The following NLGN1 variants were observed in gnomAD, a reference collection of about 807,000 sequenced individuals.
NLGN1 encodes the protein neuroligin-1.
In NLGN1, 12 loss-of-function variants were observed where a neutral mutation model predicts 65.5. The ratio of observed to expected loss-of-function variants is 0.18; its 90% CI spans 0.12 to 0.30. The LOEUF (loss-of-function observed/expected upper bound fraction) is 0.30, where lower values mean the gene tolerates loss of function less well. NLGN1 is among the 10% of genes least tolerant of loss of function. The pLI is 1.00. For synonymous variants in NLGN1, 350 were observed against 359.5 expected (o/e 0.97, Z 0.30); for missense variants, 750 against 1,007.1 (o/e 0.74, Z 3.46).
intron 2 of NLGN1, among the ~76,000 whole-genome samples, chr3:173,452,144 C>T (rs374389120): frequency 1.1e-4 from 17 of 152,230 alleles, no homozygotes; most frequent in South Asian, 2.1e-4. Context: ...CCATCTTCTG[C>T]GTCACTCGCG....
chr3:173,553,708 A>G (rs558749843), intron 2 of NLGN1, among the ~76,000 whole-genome samples: 3 of 152,368 alleles, frequency 2.0e-5, no homozygotes, highest in South Asian at 2.1e-4. Flanking sequence ...TTGAGTGAAC[A>G]TAAGTAGTGG....
intron 2 of NLGN1, among the ~76,000 whole-genome samples, chr3:173,501,005 T>C (rs1731015831): frequency 6.6e-6 from 1 of 152,212 alleles, no homozygotes; most frequent in Non-Finnish European, 1.5e-5. Flanking sequence ...GTTTTTACAG[T>C]AATCAAATGA....
chr3:174,272,665 G>GGATAGATAGATAGATA lies in NLGN1; in HGVS notation c.647-2621_647-2606dup, dbSNP rs779724767. On this transcript the variant is annotated intron_variant, in intron 4 of 6. Coordinates refer to ENST00000457714, the Ensembl canonical transcript of NLGN1. The stretch of plus-strand genomic sequence containing the variant: ...TGATGATATGGATGGATGGATGGAT[G>GGATAGATAGATAGATA]GATAGATAGATAGATAGATAGATAG... 7.2e-4 allele frequency among the ~76,000 whole-genome samples: 84 copies of GGATAGATAGATAGATA among 116,650 alleles called. 1 individual carries two copies. Among genetic ancestry groups the GGATAGATAGATAGATA allele is most frequent in the South Asian group, 1.4e-3 (5 of 3,490 alleles). The allele number at this position is 116,650 out of a possible 152,430, so 76.5% of individuals were successfully genotyped here. A position where few individuals can be genotyped will look rare whatever the true frequency, so the allele number is the denominator to read the frequency against.
At chr3:173,612,177 T>C (rs1333355654) in intron 3 of NLGN1, among the ~76,000 whole-genome samples, 1 of 152,114 alleles carries the variant, frequency 6.6e-6, no homozygotes, top group Non-Finnish European at 1.5e-5. Context: ...AGACGTTTGC[T>C]AGTAACAATT....
chr3:173,511,623 A>T (rs966689417), intron 2 of NLGN1, among the ~76,000 whole-genome samples: 3 of 151,692 alleles, frequency 2.0e-5, no homozygotes, highest in Admixed American at 2.0e-4. Context: ...TTTTTTGGTT[A>T]TTCTACAATT....
intron 1 of NLGN1, among the ~76,000 whole-genome samples, chr3:173,414,549 G>A (rs974919785): frequency 3.4e-5 from 5 of 148,414 alleles, no homozygotes; most frequent in Non-Finnish European, 7.4e-5. Context: ...TAAGAGACTA[G>A]AACTACATTA....
chr3:174,270,857 CCA>C (rs1480087499), intron 4 of NLGN1, among the ~76,000 whole-genome samples: 1 of 151,750 alleles, frequency 6.6e-6, no homozygotes, highest in Non-Finnish European at 1.5e-5. Context: ...GGTTTTATTT[CCA>C]CAGTTTTAAA....
At chr3:173,983,406 C>T (rs999916534) in intron 4 of NLGN1, among the ~76,000 whole-genome samples, 7 of 152,072 alleles carry the variant, frequency 4.6e-5, no homozygotes, top group Admixed American at 1.3e-4. Context: ...TGCTTCTGGT[C>T]GAGTCCAGCA....
intron 4 of NLGN1, among the ~76,000 whole-genome samples, chr3:174,116,700 C>T (rs1003695342): frequency 3.9e-5 from 6 of 152,118 alleles, no homozygotes; most frequent in Non-Finnish European, 8.8e-5. Flanking sequence ...TACATACTCA[C>T]ATACCACAAA....
chr3:173,412,598 A>G (rs1712817009), intron 1 of NLGN1, among the ~76,000 whole-genome samples: 3 of 152,152 alleles, frequency 2.0e-5, no homozygotes, highest in African/African-American at 7.2e-5. Context: ...TCAGGAAAAT[A>G]TATTGATTCC....
At chr3:173,955,952 A>G (rs1320978636) in intron 4 of NLGN1, among the ~76,000 whole-genome samples, 1 of 152,108 alleles carries the variant, frequency 6.6e-6, no homozygotes, top group Non-Finnish European at 1.5e-5. Context: ...GTTTAACGTG[A>G]AAAAATAAAT....
At chr3:173,659,183 T>C (rs1760538022) in intron 3 of NLGN1, among the ~76,000 whole-genome samples, 6 of 151,932 alleles carry the variant, frequency 3.9e-5, no homozygotes. Flanking sequence ...AAATATCCAG[T>C]GAAAATAAAA....
chr3:173,536,526 C>CACA (rs1254532149), intron 2 of NLGN1, among the ~76,000 whole-genome samples: 1 of 152,190 alleles, frequency 6.6e-6, no homozygotes, highest in East Asian at 1.9e-4. Context: ...TCTTCATGTA[C>CACA]TTGTTAACAT....
At chr3:173,994,489 A>AAAAAG (rs1560799719) in intron 4 of NLGN1, among the ~76,000 whole-genome samples, 1 of 62,460 alleles carries the variant, frequency 1.6e-5, no homozygotes, top group Non-Finnish European at 3.1e-5. Context: ...AAAAAAAAAA[A>AAAAAG]AAAGAGAGAG....
intron 3 of NLGN1, among the ~76,000 whole-genome samples, chr3:173,771,797 T>A (rs1779624347): frequency 6.6e-6 from 1 of 151,912 alleles, no homozygotes; most frequent in South Asian, 2.1e-4. Context: ...GTCCATACCG[T>A]ATTGTAGTGT....
At chr3:173,925,142 T>C (rs1168688517) in intron 4 of NLGN1, among the ~76,000 whole-genome samples, 1 of 152,150 alleles carries the variant, frequency 6.6e-6, no homozygotes, top group Non-Finnish European at 1.5e-5. Flanking sequence ...TGCAGGAATA[T>C]TAATTAAAAC....
In NLGN1 at chr3:173,678,929, G is replaced by GT. The variant is rs1763550559; in HGVS notation, c.493+73839dup. Among the ~76,000 whole-genome samples the GT allele has an allele frequency of 5.3e-5, 8 of 152,136 alleles. 1 individual carries two copies. In the South Asian group the frequency reaches 1.7e-3, roughly 32 times the overall value. ...TGCTTTACAAGGTGTTTGAATTGAA[G>GT]TATCTGTAATAATTGGTTGGTTCCA... On this transcript the variant is annotated intron_variant, in intron 3 of 6. Coordinates refer to ENST00000457714, the Ensembl canonical transcript of NLGN1.
intron 4 of NLGN1, among the ~76,000 whole-genome samples, chr3:173,956,868 A>G (rs1204068989): frequency 1.3e-5 from 2 of 152,204 alleles, no homozygotes; most frequent in Non-Finnish European, 2.9e-5. Flanking sequence ...ACAGACTTCT[A>G]TAGAGATGGG....
At chr3:173,937,964 A>G (rs1229943884) in intron 4 of NLGN1, among the ~76,000 whole-genome samples, 2 of 152,196 alleles carry the variant, frequency 1.3e-5, no homozygotes, top group Non-Finnish European at 2.9e-5. Context: ...GATGTTAAAA[A>G]CAATCCATCT....
Sources: allele counts gnomAD v4.1 joint callset (sites outside exome capture counted in the v4.1 genomes callset), GRCh38; gene constraint gnomAD v4.1.1; transcripts MANE v1.5; gene names NCBI Gene and HGNC (gene_info 2026-07-23, HGNC 2026-07-21).